SDK2: variants seen among roughly 807,000 people sequenced by gnomAD.
SDK2 encodes the protein sidekick cell adhesion molecule 2, also known as protein sidekick-2.
A neutral mutation model predicts 253.9 loss-of-function variants in SDK2; 105 were observed. The ratio of observed to expected loss-of-function variants is 0.41; its 90% confidence interval spans 0.35 to 0.49. SDK2 has a LOEUF of 0.49. SDK2 is among the 20% of genes least tolerant of loss of function. The pLI is 0.06. For missense variants in SDK2, 2,608 were observed against 3,003.0 expected (o/e 0.87, Z 3.07); for synonymous variants, 1,249 against 1,234.9 (o/e 1.01, Z -0.24).
chr17:73,634,679 AG>A (rs1416546434), intron 1 of SDK2, among the ~76,000 whole-genome samples: 3 of 152,242 alleles, frequency 2.0e-5, no homozygotes, highest in African/African-American at 4.8e-5. Flanking sequence ...GAAAGACAAA[AG>A]GAACAAAAGC....
rs1885600112 is a variant in SDK2 at position 73,379,327 on chromosome 17, A to G, written c.4865-35T>C. 1.1e-6 allele frequency: 1 copy of G among 889,498 alleles called. No individual in the cohort carries two copies. The highest frequency in any genetic ancestry group is 4.3e-5 in the East Asian group (1 of 23,260). 55.1% of individuals were successfully genotyped at this position (889,498 alleles called of 1,614,324 possible). ...GTGCAGGGTAGGCAGTGAGCATGCGAGTAAACCTGGGAGGGGAGGTGGGCT... is the reference window on the plus strand; with the variant it reads ...GTGCAGGGTAGGCAGTGAGCATGCGGGTAAACCTGGGAGGGGAGGTGGGCT... On this transcript the variant is annotated intron_variant, in intron 35 of 44. Transcript: ENST00000392650. The surrounding 1 kb of genome is among the most constrained non-coding windows in gnomAD (Gnocchi z 4.5).
At chr17:73,486,075 C>T (rs1044210451) in intron 2 of SDK2, among the ~76,000 whole-genome samples, 4 of 152,104 alleles carry the variant, frequency 2.6e-5, no homozygotes, top group Admixed American at 2.6e-4. Flanking sequence ...GGAAAGATGT[C>T]ACTGGTGCTA....
chr17:73,598,872 G>A (rs1286200826), intron 1 of SDK2, among the ~76,000 whole-genome samples: 1 of 152,170 alleles, frequency 6.6e-6, no homozygotes, highest in Non-Finnish European at 1.5e-5. Context: ...CCTGCTTTCC[G>A]TTTCCATTTA....
At chr17:73,524,048 C>T (rs1170403858) in intron 1 of SDK2, among the ~76,000 whole-genome samples, 2 of 152,188 alleles carry the variant, frequency 1.3e-5, no homozygotes, top group Admixed American at 1.3e-4. Flanking sequence ...GTGATCATCC[C>T]TTACCTGCCC....
chr17:73,499,711 G>A (rs2063870823), intron 2 of SDK2, among the ~76,000 whole-genome samples: 1 of 152,224 alleles, frequency 6.6e-6, no homozygotes, highest in African/African-American at 2.4e-5. Context: ...TCCCAGGCAA[G>A]TTTCTGACCC....
At chr17:73,416,066 G>C in intron 16 of SDK2, 74 bp from the exon 17 acceptor site, 1 of 1,401,844 alleles carries the variant, frequency 7.1e-7, no homozygotes, top group East Asian at 2.5e-5. Context: ...ATTGTCCAGA[G>C]CAGCGCTGTC....
chr17:73,486,421 C>T (rs1399622777), intron 2 of SDK2, among the ~76,000 whole-genome samples: 1 of 151,862 alleles, frequency 6.6e-6, no homozygotes, highest in African/African-American at 2.4e-5. Context: ...CCAACCTGGG[C>T]AACATAGCAA....
At chr17:73,509,190 G>A (rs1015125994) in intron 1 of SDK2, among the ~76,000 whole-genome samples, 4 of 152,204 alleles carry the variant, frequency 2.6e-5, no homozygotes, top group African/African-American at 7.2e-5. Flanking sequence ...GTGGACAAGC[G>A]TTCCTTTATC....
intron 1 of SDK2, among the ~76,000 whole-genome samples, chr17:73,522,510 G>A (rs571369165): frequency 1.5e-4 from 23 of 152,360 alleles, no homozygotes; most frequent in Middle Eastern, 3.4e-3. Flanking sequence ...GTTCTCTGCC[G>A]TCTCTGCTCT....
At position 73,415,960 on chromosome 17, in the gene SDK2, T is replaced by C. The variant is rs200098498; in HGVS notation, c.2219A>G (p.Gln740Arg). The C allele has an allele frequency of 1.2e-6, 2 of 1,611,656 alleles. No individual in the cohort carries two copies. The highest frequency in any genetic ancestry group is 4.5e-5 in the East Asian group (2 of 44,790). Reference protein sequence around the residue: ...YCLAGLPVGYQFKNITDADVN... With the variant: ...YCLAGLPVGYRFKNITDADVN... ...ATCAGCATCCGTGATGTTCTTAAACTGGTACCCCACGGGCAGCCCGGCCAG... is the reference window on the plus strand; with the variant it reads ...ATCAGCATCCGTGATGTTCTTAAACCGGTACCCCACGGGCAGCCCGGCCAG... Residue 740 changes from glutamine to arginine, a missense_variant, in exon 17 of 45, where the codon CAG becomes CGG. Gln to Arg is a conservative substitution (Grantham distance 43). This residue lies in a region of SDK2 where 1,505 missense variants were observed against 1,859.1 expected (regional missense o/e 0.81). Transcript: ENST00000392650.
intron 1 of SDK2, among the ~76,000 whole-genome samples, chr17:73,610,779 G>C (rs1599724229): frequency 6.6e-6 from 1 of 152,134 alleles, no homozygotes; most frequent in East Asian, 1.9e-4. Flanking sequence ...GTGTGTTCAT[G>C]TATATATCTA....
At chr17:73,446,059 G>A (rs999422004) in intron 5 of SDK2, among the ~76,000 whole-genome samples, 1 of 152,160 alleles carries the variant, frequency 6.6e-6, no homozygotes, top group African/African-American at 2.4e-5. Context: ...GCCGGAGAAG[G>A]GGAACAGACA....
intron 1 of SDK2, among the ~76,000 whole-genome samples, chr17:73,619,125 C>T (rs1426788601): frequency 6.6e-6 from 1 of 151,118 alleles, no homozygotes; most frequent in Non-Finnish European, 1.5e-5. Flanking sequence ...CAAGATTGTG[C>T]CACTGTACTC....
intron 1 of SDK2, among the ~76,000 whole-genome samples, chr17:73,589,218 G>T (rs962895865): frequency 6.6e-6 from 1 of 152,256 alleles, no homozygotes; most frequent in Non-Finnish European, 1.5e-5. Context: ...AGAAATTCAC[G>T]CTCCAGCTCA....
intron 1 of SDK2, among the ~76,000 whole-genome samples, chr17:73,512,514 T>C (rs1184674311): frequency 6.6e-6 from 1 of 151,626 alleles, no homozygotes; most frequent in Non-Finnish European, 1.5e-5. Context: ...AAGATGTCAT[T>C]CTCTTAAACT....
chr17:73,435,517 G>A lies in SDK2; in HGVS notation c.1128C>T (p.Gly376=). The A allele has an allele frequency of 6.2e-7, 1 of 1,601,080 alleles. No individual in the cohort carries two copies. The highest frequency in any genetic ancestry group is 8.5e-7 in the Non-Finnish European group (1 of 1,174,252). The part of the protein sequence containing the change: ...QISGLVPDDT[G]MFQCFARNAA... ...CATTGCGGGCGAAGCACTGGAACAT[G>A]CCGGTATCATCGGGCACCAGGCCGC... The change falls in exon 9 of 45, where the codon GGC becomes GGT. Residue 376 remains glycine (G), a synonymous_variant. Coordinates refer to ENST00000392650, the MANE Select transcript of SDK2 (RefSeq NM_001144952.2). The surrounding 1 kb of genome is among the most constrained non-coding windows in gnomAD (Gnocchi z 5.7).
intron 1 of SDK2, among the ~76,000 whole-genome samples, chr17:73,578,502 C>T (rs2045488837): frequency 6.6e-6 from 1 of 152,170 alleles, no homozygotes; most frequent in East Asian, 1.9e-4. Flanking sequence ...TCACACACCA[C>T]AGTGGTCCCT....
chr17:73,569,338 C>T lies in SDK2; in HGVS notation c.65-61741G>A, dbSNP rs377388323. ...TCAGCCTCCTGAGTAGCTGGGATTA[C>T]GGGCGCACGCCACCACACCCAGCTA... On this transcript the variant is annotated intron_variant, in intron 1 of 44. Transcript: ENST00000392650. 4.7e-3 allele frequency among the ~76,000 whole-genome samples: 714 copies of T among 151,932 alleles called. 8 individuals carry two copies. The highest frequency in any genetic ancestry group is 0.017 in the African/African-American group (685 of 41,426).
At chr17:73,485,352 G>A (rs778886341) in intron 2 of SDK2, among the ~76,000 whole-genome samples, 6 of 152,154 alleles carry the variant, frequency 3.9e-5, no homozygotes, top group Non-Finnish European at 4.4e-5. Context: ...TGGTTGAAGA[G>A]TGCCAGGCGT....
Sources: allele counts gnomAD v4.1 joint callset (sites outside exome capture counted in the v4.1 genomes callset), GRCh38; gene constraint gnomAD v4.1.1; regional missense constraint gnomAD v4.1.1; non-coding constraint Gnocchi (gnomAD v3.1); transcripts MANE v1.5; gene names NCBI Gene and HGNC (gene_info 2026-07-23, HGNC 2026-07-21).